Variants in ADAM32 observed in about 807,000 individuals in gnomAD.
The protein encoded by ADAM32 is disintegrin and metalloproteinase domain-containing protein 32.
ADAM32 carries 89 observed loss-of-function variants against 114.9 expected under a neutral mutation model. The ratio of observed to expected loss-of-function variants is 0.77; its 90% CI spans 0.65 to 0.92. The LOEUF (loss-of-function observed/expected upper bound fraction) is 0.92. Among genes scored for constraint, ADAM32 ranks in the 40% least tolerant of loss-of-function variants. The pLI is 0.00. For missense variants in ADAM32, 870 were observed against 932.8 expected (o/e 0.93, Z 0.88); for synonymous variants, 285 against 307.5 (o/e 0.93, Z 0.77).
chr8:39,158,511 G>A, intron 6 of ADAM32: 1 of 305,440 alleles, frequency 3.3e-6, no homozygotes, highest in Non-Finnish European at 6.3e-6. Context: ...TTCACCTTGG[G>A]TCCTAGCCGG....
intron 11 of ADAM32, among the ~76,000 whole-genome samples, chr8:39,194,779 G>A (rs1345612688): frequency 2.0e-5 from 3 of 152,272 alleles, no homozygotes; most frequent in African/African-American, 4.8e-5. Context: ...CTTCAGGTAC[G>A]ACAGTTCCCC....
At chr8:39,178,262 A>G (rs1050988154) in intron 10 of ADAM32, among the ~76,000 whole-genome samples, 2 of 152,068 alleles carry the variant, frequency 1.3e-5, no homozygotes, top group Admixed American at 6.6e-5. Flanking sequence ...TTTCAGAAAG[A>G]CAGTCTTCAA....
intron 2 of ADAM32, among the ~76,000 whole-genome samples, chr8:39,124,323 A>G (rs1801977062): frequency 1.3e-5 from 2 of 150,592 alleles, no homozygotes; most frequent in African/African-American, 4.9e-5. Flanking sequence ...ATGGATTCCA[A>G]CTCTATCCAT....
chr8:39,246,131 G>A lies in ADAM32; in HGVS notation c.1867G>A (p.Ala623Thr). ...CVESRIIKAS[A>T]HVCSQQCSGH... is the part of the protein sequence containing the mutation. The stretch of plus-strand genomic sequence containing the variant: ...AGAATCAAGGATAATTAAGGCTTCA[G>A]CACATGTTTGTTCACAACAGTGTTC... The change falls in exon 17 of 25, where the codon GCA becomes ACA. Residue 623 changes from alanine to threonine, a missense_variant. By Grantham distance (58) the Ala-to-Thr change is moderately conservative. Transcript: ENST00000379907. The A allele has an allele frequency of 6.2e-7, 1 of 1,613,490 alleles. No homozygotes were observed. Among genetic ancestry groups the A allele is most frequent in the South Asian group, 1.1e-5 (1 of 91,058 alleles).
intron 16 of ADAM32, among the ~76,000 whole-genome samples, chr8:39,235,271 GATAGA>G (rs1810045427): frequency 1.3e-5 from 2 of 152,092 alleles, no homozygotes; most frequent in Non-Finnish European, 2.9e-5. Flanking sequence ...CCACTTACTT[GATAGA>G]TGATCTTTAA....
At chr8:39,230,304 A>G (rs1809654730) in intron 14 of ADAM32, among the ~76,000 whole-genome samples, 1 of 152,166 alleles carries the variant, frequency 6.6e-6, no homozygotes, top group Admixed American at 6.5e-5. Context: ...TTTGAAAACC[A>G]AGACAAGTCT....
chr8:39,140,460 G>A (rs1478169866), intron 3 of ADAM32, among the ~76,000 whole-genome samples: 8 of 152,186 alleles, frequency 5.3e-5, no homozygotes, highest in African/African-American at 1.4e-4. Flanking sequence ...TACATTTATT[G>A]ATTTGCATAT....
intron 11 of ADAM32, among the ~76,000 whole-genome samples, chr8:39,207,271 C>CT (rs1303404314): frequency 6.6e-6 from 1 of 151,984 alleles, no homozygotes; most frequent in Non-Finnish European, 1.5e-5. Flanking sequence ...CTCTTTTGGT[C>CT]TTTTTTGTGC....
rs780809307 is a variant in ADAM32, at chr8:39,283,612, C to T, written c.2345C>T (p.Thr782Ile). ...TCCAAATCACAGGACAGTACCCAAA[C>T]ACAAAGCAGTAGGTAAGTATATTAG... The part of the protein sequence containing the change: ...SRSKSQDSTQ[T>I]QSSSN Residue 782 changes from threonine to isoleucine, a missense_variant, in exon 24 of 25, where the codon ACA becomes ATA. Thr to Ile is a moderately conservative substitution (Grantham distance 89, BLOSUM62 -1). Coordinates refer to ENST00000379907, the MANE Select transcript of ADAM32 (RefSeq NM_145004.7). 21 of 1,601,542 alleles carry T rather than the reference C, an allele frequency of 1.3e-5. No individual in the cohort carries two copies. The highest frequency in any genetic ancestry group is 2.2e-5 in the East Asian group (1 of 44,672).
At chr8:39,270,382 T>C (rs1276090882) in intron 19 of ADAM32, among the ~76,000 whole-genome samples, 1 of 152,154 alleles carries the variant, frequency 6.6e-6, no homozygotes, top group Non-Finnish European at 1.5e-5. Context: ...ATTTTATTAT[T>C]CCTGTTTCAT....
chr8:39,276,694 A>T (rs1338989138), intron 22 of ADAM32, among the ~76,000 whole-genome samples: 2 of 152,136 alleles, frequency 1.3e-5, no homozygotes, highest in African/African-American at 2.4e-5. Context: ...GCTCATTTTT[A>T]ATCTGCCTCA....
chr8:39,252,462 T>C (rs890041420), intron 17 of ADAM32, among the ~76,000 whole-genome samples: 1 of 150,172 alleles, frequency 6.7e-6, no homozygotes, highest in East Asian at 1.9e-4. Context: ...AAATTTATAG[T>C]GATAAATTCT....
intron 6 of ADAM32, among the ~76,000 whole-genome samples, chr8:39,155,453 C>T (rs371444127): frequency 2.0e-5 from 3 of 152,162 alleles, no homozygotes; most frequent in Admixed American, 1.3e-4. Context: ...TTGAGAGAGG[C>T]CAAACATGTG....
chr8:39,120,761 C>CAAA (rs748561734), intron 2 of ADAM32, among the ~76,000 whole-genome samples: 23,151 of 99,062 alleles, frequency 0.23, 3,106 homozygotes, highest in Non-Finnish European at 0.29. Flanking sequence ...GACTCCGTCT[C>CAAA]AAAAAAAAAA....
chr8:39,203,546 C>T (rs1807592205), intron 11 of ADAM32, among the ~76,000 whole-genome samples: 1 of 152,164 alleles, frequency 6.6e-6, no homozygotes, highest in South Asian at 2.1e-4. Context: ...AGATGGGTCT[C>T]CTGAATACAG....
At chr8:39,226,343 A>C (rs191970456) in intron 14 of ADAM32, among the ~76,000 whole-genome samples, 36 of 152,226 alleles carry the variant, frequency 2.4e-4, no homozygotes, top group Non-Finnish European at 3.5e-4. Context: ...AATAACTGAA[A>C]ACTTCCAAAA....
intron 22 of ADAM32, among the ~76,000 whole-genome samples, chr8:39,278,214 A>T (rs1260619314): frequency 2.6e-5 from 4 of 152,084 alleles, no homozygotes; most frequent in African/African-American, 9.7e-5. Flanking sequence ...ATCCAGCCAT[A>T]GTCCCTGACG....
intron 1 of ADAM32, among the ~76,000 whole-genome samples, chr8:39,111,542 C>G (rs974650652): frequency 6.6e-6 from 1 of 151,906 alleles, no homozygotes; most frequent in Non-Finnish European, 1.5e-5. Flanking sequence ...TCAGGACCAG[C>G]CTGGCCATGG....
At chr8:39,237,848 C>A (rs975837167) in intron 16 of ADAM32, among the ~76,000 whole-genome samples, 1 of 152,136 alleles carries the variant, frequency 6.6e-6, no homozygotes, top group Admixed American at 6.6e-5. Flanking sequence ...GCTCTAGGGC[C>A]CACCCATCAC....
Sources: gnomAD v4.1 joint callset for allele counts (sites outside exome capture counted in the v4.1 genomes callset) on GRCh38, gnomAD v4.1.1 for gene constraint, MANE v1.5 for transcripts, NCBI Gene and HGNC (gene_info 2026-07-23, HGNC 2026-07-21) for gene names.